Variants in KLHL1 observed in about 807,000 individuals in gnomAD.
KLHL1 encodes the protein kelch-like protein 1.
A neutral mutation model predicts 77.7 loss-of-function variants in KLHL1; 47 were observed. The ratio of observed to expected loss-of-function variants is 0.60; its 90% CI spans 0.48 to 0.77. KLHL1 has a LOEUF of 0.77. Among genes scored for constraint, KLHL1 ranks in the 30% least tolerant of loss-of-function variants. The pLI, the probability that KLHL1 is intolerant of heterozygous loss-of-function variation, is 0.00. For synonymous variants in KLHL1, 360 were observed against 325.2 expected (o/e 1.11, Z -1.15); for missense variants, 925 against 910.8 (o/e 1.02, Z -0.20).
chr13:69,785,265 C>T (rs531449070), intron 7 of KLHL1, among the ~76,000 whole-genome samples: 1 of 152,094 alleles, frequency 6.6e-6, no homozygotes, highest in Non-Finnish European at 1.5e-5. Flanking sequence ...GTAAAGCACT[C>T]CTCATCAAAT....
chr13:69,767,487 A>G (rs1479284630), intron 7 of KLHL1, among the ~76,000 whole-genome samples: 1 of 152,156 alleles, frequency 6.6e-6, no homozygotes, highest in Non-Finnish European at 1.5e-5. Flanking sequence ...GCTTGAGGCC[A>G]GGAGTTTGAG....
intron 4 of KLHL1, 147 bp downstream of exon 4, chr13:69,939,893 G>C (rs1405603908): frequency 2.0e-6 from 1 of 490,794 alleles, no homozygotes; most frequent in Non-Finnish European, 3.5e-6. Context: ...ATACATTATG[G>C]TACGCTATAG....
intron 1 of KLHL1, among the ~76,000 whole-genome samples, chr13:70,024,486 CTGCTTTGCTT>C (rs1386849983): frequency 6.6e-6 from 1 of 151,816 alleles, no homozygotes; most frequent in Non-Finnish European, 1.5e-5. Context: ...CCCCCTTGCT[CTGCTTTGCTT>C]TGCTTTCTAG....
chr13:69,939,306 T>C (rs1883276574), intron 4 of KLHL1, among the ~76,000 whole-genome samples: 1 of 138,488 alleles, frequency 7.2e-6, no homozygotes, highest in Non-Finnish European at 1.5e-5. Flanking sequence ...ACAAAGCTGT[T>C]AAATATACAC....
intron 1 of KLHL1, among the ~76,000 whole-genome samples, chr13:70,063,383 T>C (rs1886935669): frequency 6.6e-6 from 1 of 152,140 alleles, no homozygotes; most frequent in South Asian, 2.1e-4. Context: ...TTACAGCTTT[T>C]ACAGATTTTA....
At position 69,999,558 on chromosome 13, in the gene KLHL1, AAG is replaced by A. The variant is rs150940188; in HGVS notation, c.498-23758_498-23757del. 9.5e-3 allele frequency among the ~76,000 whole-genome samples: 1,443 copies of A among 152,222 alleles called. 11 individuals are homozygous for A. The highest frequency in any genetic ancestry group is 0.03 in the South Asian group (147 of 4,828). Reference sequence around the variant, plus strand: ...CAAGCCACTGAATCGATAGGTAAGTAAGAGATTGGGATGATTAATCCCAATAA... The same window carrying A: ...CAAGCCACTGAATCGATAGGTAAGTAAGATTGGGATGATTAATCCCAATAA... On this transcript the variant is annotated intron_variant, in intron 1 of 10. Transcript: ENST00000377844.
At chr13:69,792,120 C>T (rs1201858658) in intron 7 of KLHL1, among the ~76,000 whole-genome samples, 1 of 151,832 alleles carries the variant, frequency 6.6e-6, no homozygotes, top group Non-Finnish European at 1.5e-5. Context: ...GAACTTAAAA[C>T]TAAAAAAAAT....
At chr13:69,809,653 C>A (rs1877777904) in intron 6 of KLHL1, among the ~76,000 whole-genome samples, 1 of 151,980 alleles carries the variant, frequency 6.6e-6, no homozygotes, top group African/African-American at 2.4e-5. Context: ...GACTACAAAG[C>A]AACTAGCTAA....
chr13:69,956,828 A>G (rs1444581088), intron 3 of KLHL1, among the ~76,000 whole-genome samples: 1 of 151,716 alleles, frequency 6.6e-6, no homozygotes, highest in Admixed American at 6.6e-5. Context: ...TATTTGAAAT[A>G]TGAAATATGT....
intron 1 of KLHL1, among the ~76,000 whole-genome samples, chr13:70,003,001 T>C (rs1210721874): frequency 6.6e-6 from 1 of 151,630 alleles, no homozygotes; most frequent in Admixed American, 6.6e-5. Flanking sequence ...CTTGTAGATA[T>C]GCAAATAAAT....
intron 4 of KLHL1, among the ~76,000 whole-genome samples, chr13:69,929,679 T>C (rs1318342965): frequency 6.6e-6 from 1 of 151,914 alleles, no homozygotes; most frequent in African/African-American, 2.4e-5. Flanking sequence ...TTTAGATCAA[T>C]ATTTAATGCT....
intron 7 of KLHL1, among the ~76,000 whole-genome samples, chr13:69,764,569 G>A (rs1349291775): frequency 6.6e-6 from 1 of 151,934 alleles, no homozygotes; most frequent in African/African-American, 2.4e-5. Context: ...ACTTTGCATC[G>A]CTATCATGAG....
rs555732361 is a variant in KLHL1, at chr13:69,881,909, CTT to C, written c.1227+372_1227+373del. ...TCAATGGATGATCACATTATTGCATCTTATATCAAATAATTGACAGGAGACAC... is the reference window on the plus strand; with the variant it reads ...TCAATGGATGATCACATTATTGCATCATATCAAATAATTGACAGGAGACAC... On this transcript the variant is annotated intron_variant, in intron 5 of 10. Transcript: ENST00000377844. 4.2e-3 allele frequency among the ~76,000 whole-genome samples: 640 copies of C among 152,240 alleles called. 5 individuals are homozygous for C. Among genetic ancestry groups the C allele is most frequent in the African/African-American group, 0.015 (606 of 41,548 alleles).
chr13:69,971,376 A>G (rs914726917), intron 2 of KLHL1, among the ~76,000 whole-genome samples: 8 of 152,022 alleles, frequency 5.3e-5, no homozygotes, highest in African/African-American at 1.9e-4. Context: ...GCTTCTAATT[A>G]AACATACTGT....
rs75971151 is a variant in KLHL1, at chr13:70,044,138, T to C, written c.497+63065A>G. ...TATGTTACCTAGCTTCCTTCTTTTC[T>C]TATCTCTTCTCTTACTACTTCTCAC... On this transcript the variant is annotated intron_variant, in intron 1 of 10. Coordinates refer to ENST00000377844, the MANE Select transcript of KLHL1 (RefSeq NM_020866.3). 5.2e-3 allele frequency among the ~76,000 whole-genome samples: 794 copies of C among 152,324 alleles called. 11 individuals carry two copies. The highest frequency in any genetic ancestry group is 0.017 in the Middle Eastern group (5 of 294).
At chr13:70,052,728 TTCTC>T (rs943337285) in intron 1 of KLHL1, among the ~76,000 whole-genome samples, 2 of 151,664 alleles carry the variant, frequency 1.3e-5, no homozygotes, top group East Asian at 3.9e-4. Flanking sequence ...CAGGCTCTCC[TTCTC>T]TCTCTCTCAC....
In KLHL1 at chr13:69,782,949, C is replaced by T. The variant is rs1876307573; in HGVS notation, c.1639+13789G>A. On this transcript the variant is annotated intron_variant, in intron 7 of 10. Coordinates refer to ENST00000377844, the MANE Select transcript of KLHL1 (RefSeq NM_020866.3). The stretch of plus-strand genomic sequence containing the variant: ...CTGACACCTCACATGGCCGGGTACT[C>T]CTCTGAGACAAAACTTCCAGAGGAA... Among the ~76,000 whole-genome samples the T allele has an allele frequency of 2.0e-5, 3 of 152,180 alleles. No homozygotes were observed. The South Asian group carries it at 6.2e-4, about 32-fold the overall frequency.
intron 7 of KLHL1, among the ~76,000 whole-genome samples, chr13:69,751,221 G>A: frequency 6.6e-6 from 1 of 151,022 alleles, no homozygotes; most frequent in Non-Finnish European, 1.5e-5. Context: ...GTAAAGTTTA[G>A]CAGTTTGCTA....
At chr13:69,944,632 C>A (rs756520251) in intron 3 of KLHL1, among the ~76,000 whole-genome samples, 2 of 152,192 alleles carry the variant, frequency 1.3e-5, no homozygotes, top group African/African-American at 2.4e-5. Flanking sequence ...GCTAAGATTT[C>A]ATTTCACACC....
Sources: gnomAD v4.1 joint callset for allele counts (sites outside exome capture counted in the v4.1 genomes callset) on GRCh38, gnomAD v4.1.1 for gene constraint, MANE v1.5 for transcripts, NCBI Gene and HGNC (gene_info 2026-07-23, HGNC 2026-07-21) for gene names.